Variants in AKAP12 observed in about 807,000 individuals in gnomAD.
AKAP12 encodes A-kinase anchoring protein 12, also known as A-kinase anchor protein 12.
A neutral mutation model predicts 79.9 loss-of-function variants in AKAP12; 32 were observed. The ratio of observed to expected loss-of-function variants is 0.40; its 90% CI spans 0.30 to 0.54. The LOEUF (loss-of-function observed/expected upper bound fraction) is 0.54, where lower values mean the gene tolerates loss of function less well. AKAP12 is among the 20% of genes least tolerant of loss of function. The pLI is 0.48. For missense variants in AKAP12, 2,074 were observed against 2,177.0 expected, an observed-to-expected ratio of 0.95 and a Z score of 0.94; for synonymous variants, 808 against 857.0, an observed-to-expected ratio of 0.94 and a Z score of 1.00.
chr6:151,257,447 C>T (rs551100732), intron 2 of AKAP12, among the ~76,000 whole-genome samples: 1 of 152,242 alleles, frequency 6.6e-6, no homozygotes, highest in South Asian at 2.1e-4. Flanking sequence ...CAGTTGTGCA[C>T]CACCACGCCT....
At chr6:151,348,343 A>T in intron 3 of AKAP12, 1 of 452,950 alleles carries the variant, frequency 2.2e-6, no homozygotes. Context: ...AAAAAAAAAA[A>T]GTTAATTTTC....
intron 2 of AKAP12, among the ~76,000 whole-genome samples, chr6:151,273,159 G>A (rs1018960383): frequency 6.6e-6 from 1 of 152,112 alleles, no homozygotes; most frequent in Admixed American, 6.5e-5. Context: ...CGCCTGCCTC[G>A]GCCTCCCAAA....
At chr6:151,343,403 T>A (rs925732292) in intron 3 of AKAP12, among the ~76,000 whole-genome samples, 2 of 152,228 alleles carry the variant, frequency 1.3e-5, no homozygotes, top group African/African-American at 4.8e-5. Flanking sequence ...TTTTCTTTTT[T>A]CTCTAGTATA....
chr6:151,244,894 A>G (rs1426861871), intron 2 of AKAP12, among the ~76,000 whole-genome samples: 2 of 152,350 alleles, frequency 1.3e-5, no homozygotes, highest in East Asian at 1.9e-4. Context: ...CTTTAAATCC[A>G]TTACAGCTTA....
At chr6:151,319,007 C>T (rs964524866) in intron 3 of AKAP12, among the ~76,000 whole-genome samples, 4 of 152,120 alleles carry the variant, frequency 2.6e-5, no homozygotes, top group African/African-American at 9.7e-5. Context: ...TATACCTTTT[C>T]ATTTGGTCTA....
intron 3 of AKAP12, among the ~76,000 whole-genome samples, chr6:151,330,007 A>T (rs1047450543): frequency 6.6e-6 from 1 of 152,178 alleles, no homozygotes; most frequent in Non-Finnish European, 1.5e-5. Context: ...TGTTTAAGGG[A>T]TCGTGAAACA....
intron 2 of AKAP12, among the ~76,000 whole-genome samples, chr6:151,301,281 G>A (rs1311316937): frequency 6.6e-6 from 1 of 152,122 alleles, no homozygotes; most frequent in Non-Finnish European, 1.5e-5. Flanking sequence ...GTTAAGCAAG[G>A]TGCGTGTTTA....
chr6:151,247,599 T>C (rs1797099656), intron 2 of AKAP12, among the ~76,000 whole-genome samples: 2 of 152,226 alleles, frequency 1.3e-5, no homozygotes, highest in South Asian at 4.1e-4. Flanking sequence ...TCTTTAGCTA[T>C]CACTTTTAAA....
At chr6:151,285,841 A>G (rs991884222) in intron 2 of AKAP12, among the ~76,000 whole-genome samples, 1 of 151,956 alleles carries the variant, frequency 6.6e-6, no homozygotes, top group South Asian at 2.1e-4. Context: ...ATGATTGATC[A>G]TCTACATCTA....
Position 151,324,984 on chromosome 6 carries a change from A to T in AKAP12, c.319+19081A>T, listed in dbSNP as rs185447199. The T allele has an allele frequency of 3.3e-5, 33 of 985,454 alleles. No homozygotes were observed. In the East Asian group the frequency reaches 2.7e-3, roughly 81 times the overall value. The allele number at this position is 985,454 out of a possible 1,614,324, so 61.0% of individuals were successfully genotyped here. On this transcript the variant is annotated intron_variant, in intron 3 of 4. Coordinates refer to ENST00000402676, the MANE Select transcript of AKAP12 (RefSeq NM_005100.4). The stretch of plus-strand genomic sequence containing the variant: ...GAACATGGCATAGTTTGATCTAAAA[A>T]GTTAGCTAACTTCTGCCATTTAGAA...
At chr6:151,281,416 A>G (rs980275023) in intron 2 of AKAP12, among the ~76,000 whole-genome samples, 3 of 152,196 alleles carry the variant, frequency 2.0e-5, no homozygotes, top group African/African-American at 7.2e-5. Flanking sequence ...GTAATTCTGT[A>G]GGTCTATGTA....
intron 4 of AKAP12, among the ~76,000 whole-genome samples, chr6:151,355,018 CAG>C (rs1290693508): frequency 6.6e-6 from 1 of 152,022 alleles, no homozygotes; most frequent in African/African-American, 2.4e-5. Flanking sequence ...GTTTTTGAGA[CAG>C]AGTCTCACTC....
At position 151,349,710 on chromosome 6, in the gene AKAP12, G is replaced by T; in HGVS notation, c.1319G>T (p.Gly440Val). The change falls in exon 4 of 5, where the codon GGG (glycine) becomes GTG (valine). Residue 440 changes from glycine (G) to valine (V), a missense_variant. Gly to Val is a moderately radical substitution (Grantham distance 109). Coordinates refer to ENST00000402676, the MANE Select transcript of AKAP12 (RefSeq NM_005100.4). ...EQKTEVEETA[G>V]SVPAEELVEM... is the part of the protein sequence containing the mutation. ...AAAACGGAGGTGGAAGAAACAGCAG[G>T]GTCTGTGCCAGCTGAAGAATTGGTT... 19 of 1,614,078 alleles carry T rather than the reference G, an allele frequency of 1.2e-5. No individual in the cohort carries two copies. The highest frequency in any genetic ancestry group is 1.6e-5 in the Non-Finnish European group (19 of 1,180,024).
intron 2 of AKAP12, among the ~76,000 whole-genome samples, chr6:151,289,678 T>C (rs938634624): frequency 3.9e-5 from 6 of 152,220 alleles, no homozygotes; most frequent in African/African-American, 1.4e-4. Flanking sequence ...GAAAAGAAAC[T>C]AGAGCTGTTA....
chr6:151,254,714 G>A (rs559487168), intron 2 of AKAP12, among the ~76,000 whole-genome samples: 111 of 152,274 alleles, frequency 7.3e-4, no homozygotes, highest in African/African-American at 2.5e-3. Context: ...TCGGTTATTC[G>A]TTTGATATTC....
chr6:151,245,600 G>C (rs1582828899), intron 2 of AKAP12, among the ~76,000 whole-genome samples: 1 of 141,832 alleles, frequency 7.1e-6, no homozygotes, highest in African/African-American at 2.6e-5. Context: ...AGCCGAGATG[G>C]CACCACTGCA....
intron 2 of AKAP12, among the ~76,000 whole-genome samples, chr6:151,255,054 G>T (rs942585185): frequency 6.6e-6 from 1 of 152,190 alleles, no homozygotes; most frequent in Non-Finnish European, 1.5e-5. Flanking sequence ...GCCGCTAGGA[G>T]GGCTGGACTG....
At chr6:151,291,406 G>T (rs1676887967) in intron 2 of AKAP12, among the ~76,000 whole-genome samples, 1 of 152,118 alleles carries the variant, frequency 6.6e-6, no homozygotes, top group South Asian at 2.1e-4. Context: ...TGACTGTCCT[G>T]GGCTATGCCA....
intron 2 of AKAP12, among the ~76,000 whole-genome samples, chr6:151,252,320 C>T (rs1011495339): frequency 1.3e-5 from 2 of 151,800 alleles, no homozygotes; most frequent in East Asian, 2.0e-4. Flanking sequence ...CTCAGCCTCT[C>T]GAGTAGCTGG....
Sources: gnomAD v4.1 joint callset for allele counts (sites outside exome capture counted in the v4.1 genomes callset) on GRCh38, gnomAD v4.1.1 for gene constraint, MANE v1.5 for transcripts, NCBI Gene and HGNC (gene_info 2026-07-23, HGNC 2026-07-21) for gene names.